The following ZNF444 variants were observed in gnomAD, a reference collection of about 807,000 sequenced individuals.
ZNF444 encodes the protein zinc finger protein 444.
Under a neutral mutation model 14.4 loss-of-function variants are expected in ZNF444, and 8 were observed. That is an observed-to-expected ratio of 0.56 (90% confidence interval 0.33 to 1.00). The LOEUF (loss-of-function observed/expected upper bound fraction) is 1.00, where lower values mean the gene tolerates loss of function less well. Ranked by LOEUF, ZNF444 falls within the 50% of genes least tolerant of loss-of-function variation. The pLI is 0.03. For synonymous variants in ZNF444, 258 were observed against 235.9 expected (o/e 1.09, Z -0.86); for missense variants, 510 against 504.8 (o/e 1.01, Z -0.10).
chr19:56,156,358 T>C (rs1483667797), intron 3 of ZNF444: 2 of 152,202 alleles, frequency 1.3e-5, no homozygotes, highest in Non-Finnish European at 2.9e-5. Context: ...CATGTAGAAA[T>C]GTGATTAGAT....
intron 3 of ZNF444, chr19:56,151,754 G>T (rs1270462851): frequency 1.6e-5 from 7 of 445,060 alleles, no homozygotes; most frequent in Admixed American, 1.5e-4. Context: ...TGACATCTGG[G>T]GGCATCTAGT....
intron 4 of ZNF444, among the ~76,000 whole-genome samples, 165 bp downstream of exon 4, chr19:56,158,767 G>A (rs114313066): frequency 6.6e-6 from 1 of 152,038 alleles, no homozygotes; most frequent in Non-Finnish European, 1.5e-5. Flanking sequence ...GGGTATGGGT[G>A]GGCCTCGGGG....
upstream of ZNF444, among the ~76,000 whole-genome samples, chr19:56,136,561 C>T (rs9676765): frequency 0.74 from 112,547 of 152,056 alleles, 44,728 homozygotes; most frequent in South Asian, 0.92. Context: ...GTTTATTGAA[C>T]TCGTACTCCC....
At chr19:56,159,063 C>G (rs557164996) in intron 4 of ZNF444, among the ~76,000 whole-genome samples, 2 of 151,334 alleles carry the variant, frequency 1.3e-5, no homozygotes, top group African/African-American at 4.9e-5. Context: ...ACCCATCATC[C>G]GTCCATCCAT....
At chr19:56,137,463 C>A (rs1019224335), upstream of ZNF444, among the ~76,000 whole-genome samples, 1 of 151,312 alleles carries the variant, frequency 6.6e-6, no homozygotes, top group Non-Finnish European at 1.5e-5. Context: ...GAGCGAGACT[C>A]AGCCTCAAAA....
chr19:56,135,128 G>A (rs921356253), intron 1 of ZNF444, among the ~76,000 whole-genome samples: 5 of 152,166 alleles, frequency 3.3e-5, no homozygotes, highest in Non-Finnish European at 5.9e-5. Context: ...CTACTGGGGA[G>A]GCTGAGGCAG....
intron 4 of ZNF444, among the ~76,000 whole-genome samples, chr19:56,159,350 C>T (rs1279973514): frequency 6.6e-6 from 1 of 152,012 alleles, no homozygotes; most frequent in African/African-American, 2.4e-5. Flanking sequence ...ATTCATCACC[C>T]ATCATCCACC....
In ZNF444 at chr19:56,144,262, G is replaced by C. The variant is rs569065290; in HGVS notation, c.-196-1985G>C. ...AGGTCGGGGCTGCAATGAGCCGAGA[G>C]GTCATGCCACCGCTCCAGCCTGGGC... On this transcript the variant is annotated intron_variant, in intron 1 of 4. Transcript: ENST00000337080. This position sits in a 1 kb window ranked among gnomAD's most constrained non-coding sequence, Gnocchi z 4.0. Among the ~76,000 whole-genome samples the C allele has an allele frequency of 3.0e-4, 46 of 152,142 alleles. No individual in the cohort carries two copies. The highest frequency in any genetic ancestry group is 9.4e-4 in the African/African-American group (39 of 41,482).
chr19:56,150,442 G>A, intron 3 of ZNF444: 2 of 354,272 alleles, frequency 5.6e-6, no homozygotes, highest in South Asian at 4.4e-5. Flanking sequence ...TGTGGCTCTG[G>A]GATGTCTTTA....
At position 56,147,124 on chromosome 19, in the gene ZNF444, G is replaced by A. The variant is rs201711606; in HGVS notation, c.213G>A (p.Ala71=). 5 of 1,564,242 alleles carry A rather than the reference G, an allele frequency of 3.2e-6. No homozygotes were observed. The highest frequency in any genetic ancestry group is 4.8e-5 in the East Asian group (2 of 41,364). ...ELLVLEQFLS[A]LPADTQAWVC... is the part of the protein sequence containing the mutation. The stretch of plus-strand genomic sequence containing the variant: ...TGGTGCTGGAACAGTTCCTGAGCGC[G>A]CTGCCCGCCGACACGCAGGCCTGGG... Residue 71 remains alanine (A), a synonymous_variant, in exon 3 of 5, where the codon GCG becomes GCA. Coordinates refer to ENST00000337080, the MANE Select transcript of ZNF444 (RefSeq NM_018337.4). This position sits in a 1 kb window ranked among gnomAD's most constrained non-coding sequence, Gnocchi z 5.9.
intron 4 of ZNF444, among the ~76,000 whole-genome samples, chr19:56,159,382 CGCATTCATCTACCCAT>C (rs1327386640): frequency 6.6e-6 from 1 of 152,054 alleles, no homozygotes; most frequent in Non-Finnish European, 1.5e-5. Flanking sequence ...CATCTACCCA[CGCATTCATCTACCCAT>C]CCATCATCCA....
rs754368977 is a variant in ZNF444 at position 56,145,384 on chromosome 19, G to C, written c.-196-863G>C. 2.6e-5 allele frequency among the ~76,000 whole-genome samples: 4 copies of C among 152,182 alleles called. No homozygotes were observed. Among genetic ancestry groups the C allele is most frequent in the Non-Finnish European group, 5.9e-5 (4 of 68,030 alleles). On this transcript the variant is annotated intron_variant, in intron 1 of 4. Coordinates refer to ENST00000337080, the MANE Select transcript of ZNF444 (RefSeq NM_018337.4). This position sits in a 1 kb window ranked among gnomAD's most constrained non-coding sequence, Gnocchi z 4.3. Reference sequence around the variant, plus strand: ...GTGGATCACCTGAGGTCAGGAGTTTGAGACCAGTCTGGCCAACCTGGCGAA... The same window carrying C: ...GTGGATCACCTGAGGTCAGGAGTTTCAGACCAGTCTGGCCAACCTGGCGAA...
At chr19:56,158,912 A>C (rs1038366503) in intron 4 of ZNF444, among the ~76,000 whole-genome samples, 21 of 151,136 alleles carry the variant, frequency 1.4e-4, no homozygotes, top group African/African-American at 5.1e-4. Flanking sequence ...GCATCCATCC[A>C]TCCTTCACAT....
In ZNF444 at chr19:56,145,266, G is replaced by T. The variant is rs996826960; in HGVS notation, c.-196-981G>T. Among the ~76,000 whole-genome samples, 2 of 152,178 alleles carry T rather than the reference G, an allele frequency of 1.3e-5. No homozygotes were observed. The highest frequency in any genetic ancestry group is 6.6e-5 in the Admixed American group (1 of 15,266). ...ATAGTAGAAACCAAAACAGAAAATT[G>T]TAAAGTATTTATTAATGCATTTAAA... On this transcript the variant is annotated intron_variant, in intron 1 of 4. Coordinates refer to ENST00000337080, the MANE Select transcript of ZNF444 (RefSeq NM_018337.4). This position sits in a 1 kb window ranked among gnomAD's most constrained non-coding sequence, Gnocchi z 4.3.
chr19:56,160,167 G>A lies in ZNF444; in HGVS notation c.950G>A (p.Gly317Asp), dbSNP rs1292924506. ...AQGAVAPGPD[G>D]GGPFPPWPLG ...GGGGCGGTAGCTCCGGGCCCGGATG[G>A]TGGAGGCCCCTTCCCGCCCTGGCCC... The change falls in exon 5 of 5, where the codon GGT becomes GAT. Residue 317 changes from glycine to aspartate, a missense_variant. Transcript: ENST00000337080. 3 of 1,476,696 alleles carry A rather than the reference G, an allele frequency of 2.0e-6. No homozygotes were observed. In the South Asian group the frequency reaches 3.9e-5, roughly 19 times the overall value. The allele number at this position is 1,476,696 out of a possible 1,614,324, so 91.5% of individuals were successfully genotyped here.
chr19:56,152,032 CTT>C (rs2031613516), intron 3 of ZNF444, among the ~76,000 whole-genome samples: 1 of 151,974 alleles, frequency 6.6e-6, no homozygotes, highest in Non-Finnish European at 1.5e-5. Context: ...CACCTGGAAA[CTT>C]TTAAAAAATA....
Position 56,160,474 on chromosome 19 carries a change from G to T in ZNF444, c.*273G>T. On this transcript the variant is annotated 3_prime_UTR_variant, in exon 5 of 5. Transcript: ENST00000337080. The stretch of plus-strand genomic sequence containing the variant: ...CTGTGTGAAGGGGCCTCTCCCTAAT[G>T]TCTCCTCCTTCCCCCCTCTTCTCTC... 2.4e-6 allele frequency: 1 copy of T among 411,564 alleles called. No homozygotes were observed. The highest frequency in any genetic ancestry group is 4.2e-5 in the East Asian group (1 of 23,678). 25.5% of individuals were successfully genotyped at this position (411,564 alleles called of 1,614,324 possible).
At chr19:56,143,100 G>T (rs1322965988) in intron 1 of ZNF444, among the ~76,000 whole-genome samples, 1 of 152,226 alleles carries the variant, frequency 6.6e-6, no homozygotes, top group Non-Finnish European at 1.5e-5. Context: ...CAGCTAGACA[G>T]CAGGGTTACA....
chr19:56,137,119 T>C (rs1353430961), upstream of ZNF444, among the ~76,000 whole-genome samples: 1 of 151,662 alleles, frequency 6.6e-6, no homozygotes. Context: ...CAGGTGATGT[T>C]GTGCAGCTGG....
Sources: allele counts gnomAD v4.1 joint callset (sites outside exome capture counted in the v4.1 genomes callset), GRCh38; gene constraint gnomAD v4.1.1; non-coding constraint Gnocchi (gnomAD v3.1); transcripts MANE v1.5; gene names NCBI Gene and HGNC (gene_info 2026-07-23, HGNC 2026-07-21).